The following POPDC3 variants were observed in gnomAD, a reference collection of about 807,000 sequenced individuals.
POPDC3 encodes the protein popeye domain-containing protein 3.
A neutral mutation model predicts 28.2 loss-of-function variants in POPDC3; 20 were observed. That is an observed-to-expected ratio of 0.71 (90% CI 0.50 to 1.03). POPDC3 has a LOEUF of 1.03. POPDC3 is among the 50% of genes least tolerant of loss of function. The probability of loss-of-function intolerance (pLI) is 0.00; values close to 1 mark genes in which losing one functional copy is unlikely to be tolerated. For missense variants in POPDC3, 316 were observed against 345.9 expected (o/e 0.91, Z 0.69); for synonymous variants, 118 against 124.1 (o/e 0.95, Z 0.33).
At chr6:105,178,339 TGTG>T (rs1425080419) in intron 1 of POPDC3, among the ~76,000 whole-genome samples, 4 of 152,228 alleles carry the variant, frequency 2.6e-5, no homozygotes, top group Non-Finnish European at 5.9e-5. Context: ...TAGTCAGTCT[TGTG>T]GTGAAAAGTA....
At chr6:105,178,012 A>T (rs140455121) in intron 1 of POPDC3, among the ~76,000 whole-genome samples, 31 of 152,308 alleles carry the variant, frequency 2.0e-4, no homozygotes, top group African/African-American at 7.2e-4. Context: ...AAAGGGAGAA[A>T]CATTTTCTCT....
At chr6:105,178,570 AC>A (rs1466612672) in intron 1 of POPDC3, 1 of 840 alleles carries the variant, frequency 1.2e-3, no homozygotes, top group Non-Finnish European at 0.017. Flanking sequence ...GAAGACACAC[AC>A]ACACACACAC....
chr6:105,173,926 A>C (rs1774631877), intron 1 of POPDC3, among the ~76,000 whole-genome samples: 2 of 152,220 alleles, frequency 1.3e-5, no homozygotes, highest in African/African-American at 4.8e-5. Flanking sequence ...GAAGGAATGC[A>C]CCAGGTTCCA....
At chr6:105,168,229 C>A (rs1403376969) in intron 1 of POPDC3, among the ~76,000 whole-genome samples, 1 of 152,198 alleles carries the variant, frequency 6.6e-6, no homozygotes, top group Admixed American at 6.5e-5. Flanking sequence ...TTCCTTTTGC[C>A]TGAGGACAGT....
At chr6:105,179,343 C>CGGGA (rs1335894085) in intron 1 of POPDC3, among the ~76,000 whole-genome samples, 2 of 151,930 alleles carry the variant, frequency 1.3e-5, no homozygotes, top group African/African-American at 4.8e-5. Flanking sequence ...AGACCGGGGG[C>CGGGA]GGGAGTAGGG....
In POPDC3 at chr6:105,158,746, G is replaced by A. The variant is rs767950730; in HGVS notation, c.600C>T (p.Thr200=). 1 of 1,602,656 alleles carries A rather than the reference G, an allele frequency of 6.2e-7. No homozygotes were observed. Among genetic ancestry groups the A allele is most frequent in the Non-Finnish European group, 8.5e-7 (1 of 1,172,614 alleles). The stretch of plus-strand genomic sequence containing the variant: ...ATCGACAATCAGTTTCTGCAGTGAG[G>A]GTTACCTAAAAAACACAAGACCACA... ...RPTEEGIFQV[T]LTAETDCRYV... The change falls in exon 4 of 4, where the codon ACC becomes ACT. Residue 200 remains threonine, a synonymous_variant. Coordinates refer to ENST00000254765, the MANE Select transcript of POPDC3 (RefSeq NM_022361.5).
At chr6:105,166,722 G>A (rs1260177346) in intron 1 of POPDC3, 3 of 465,750 alleles carry the variant, frequency 6.4e-6, no homozygotes, top group Non-Finnish European at 1.3e-5. Flanking sequence ...GTTTTTAATG[G>A]CCTTTATTAT....
Position 105,161,639 on chromosome 6 carries a change from G to A in POPDC3, c.271C>T (p.Gln91Ter). 1 of 1,614,140 alleles carries A rather than the reference G, an allele frequency of 6.2e-7. No homozygotes were observed. Among genetic ancestry groups the A allele is most frequent in the Non-Finnish European group, 8.5e-7 (1 of 1,180,024 alleles). The change falls in exon 2 of 4, where the codon CAA becomes TAA. Residue 91 changes from glutamine to a stop codon, truncating the protein, a stop_gained. Coordinates refer to ENST00000254765, the MANE Select transcript of POPDC3 (RefSeq NM_022361.5). LOFTEE classifies it high-confidence loss of function. ...ACTTGATATGCAATATGAACAAATT[G>A]CATGAAGCAGATGACAAACAGTACA... is the stretch of plus-strand genomic sequence containing the variant. The part of the protein sequence containing the change: ...NFVLFVICFM[Q>*]FVHIAYQVRS...
In POPDC3 at chr6:105,171,846, T is replaced by C. The variant is rs985277715; in HGVS notation, c.-252+7987A>G. Reference sequence around the variant, plus strand: ...CTACAAATAAACTACCTAACACTTATTTCGTTTATTTTATTATATTAGAGA... The same window carrying C: ...CTACAAATAAACTACCTAACACTTACTTCGTTTATTTTATTATATTAGAGA... On this transcript the variant is annotated intron_variant, in intron 1 of 3. Transcript: ENST00000254765. 2.0e-5 allele frequency among the ~76,000 whole-genome samples: 3 copies of C among 149,332 alleles called. No individual in the cohort carries two copies. The South Asian group carries it at 6.3e-4, about 31-fold the overall frequency.
rs189430030 is a variant in POPDC3 at position 105,165,636 on chromosome 6, G to T, written c.-251-3476C>A. Among the ~76,000 whole-genome samples the T allele has an allele frequency of 2.7e-3, 411 of 152,278 alleles. 5 individuals are homozygous for T. The highest frequency in any genetic ancestry group is 9.4e-3 in the African/African-American group (389 of 41,548). Reference sequence around the variant, plus strand: ...TAAGTGCAAAAACACAGAGGAGCTGGGGCATCACTTTTTCAAAATGCCTGG... The same window carrying T: ...TAAGTGCAAAAACACAGAGGAGCTGTGGCATCACTTTTTCAAAATGCCTGG... On this transcript the variant is annotated intron_variant, in intron 1 of 3. Transcript: ENST00000254765.
intron 1 of POPDC3, chr6:105,178,965 G>A: frequency 4.1e-6 from 4 of 985,428 alleles, no homozygotes; most frequent in Non-Finnish European, 4.8e-6. Context: ...AAGTCAGGAA[G>A]CAACGAAGTT....
chr6:105,169,795 A>G (rs1335077838), intron 1 of POPDC3: 1 of 152,170 alleles, frequency 6.6e-6, no homozygotes, highest in Admixed American at 6.6e-5. Flanking sequence ...AGGTATTAGG[A>G]AAGTTAAGTT....
chr6:105,177,850 C>G (rs958120359), intron 1 of POPDC3, among the ~76,000 whole-genome samples: 5 of 152,206 alleles, frequency 3.3e-5, no homozygotes, highest in African/African-American at 1.2e-4. Flanking sequence ...CGCTAAAAGT[C>G]TGTGTGAATC....
In POPDC3 at chr6:105,157,980, CTT is replaced by C. The variant is rs1156463412; in HGVS notation, c.*488_*489del. Among the ~76,000 whole-genome samples, 1 of 150,072 alleles carries C rather than the reference CTT, an allele frequency of 6.7e-6. No homozygotes were observed. Among genetic ancestry groups the C allele is most frequent in the Non-Finnish European group, 1.5e-5 (1 of 67,642 alleles). ...ATTATTATCTCTTGCATTTATTCTA[CTT>C]TTTAGTCGCATCAAGTAACTGCACA... On this transcript the variant is annotated 3_prime_UTR_variant, in exon 4 of 4. Transcript: ENST00000254765.
chr6:105,174,746 GAAAC>G (rs1463856859), intron 1 of POPDC3, among the ~76,000 whole-genome samples: 2 of 152,158 alleles, frequency 1.3e-5, no homozygotes, highest in African/African-American at 4.8e-5. Context: ...GCCCTTCTTG[GAAAC>G]AAACAGACAC....
chr6:105,174,699 C>A (rs9373786), intron 1 of POPDC3, among the ~76,000 whole-genome samples: 4 of 152,008 alleles, frequency 2.6e-5, no homozygotes, highest in Non-Finnish European at 4.4e-5. Context: ...TGGAAAGAAA[C>A]ATGGGCATTT....
chr6:105,170,919 G>C (rs1453594935), intron 1 of POPDC3, among the ~76,000 whole-genome samples: 3 of 152,190 alleles, frequency 2.0e-5, no homozygotes, highest in African/African-American at 7.2e-5. Context: ...CTAGGGAGGT[G>C]GAATGGGAAT....
intron 1 of POPDC3, among the ~76,000 whole-genome samples, chr6:105,164,738 T>C (rs1380252554): frequency 6.6e-6 from 1 of 152,220 alleles, no homozygotes; most frequent in Non-Finnish European, 1.5e-5. Flanking sequence ...GCACAATGGA[T>C]TTCTTTCCTA....
intron 2 of POPDC3, chr6:105,160,113 C>A: frequency 5.4e-6 from 1 of 186,866 alleles, no homozygotes; most frequent in Non-Finnish European, 1.1e-5. Flanking sequence ...TATTATACTT[C>A]AATAAAACAT....
Sources: gnomAD v4.1 joint callset for allele counts (sites outside exome capture counted in the v4.1 genomes callset) on GRCh38, gnomAD v4.1.1 for gene constraint, MANE v1.5 for transcripts, NCBI Gene and HGNC (gene_info 2026-07-23, HGNC 2026-07-21) for gene names.